TMEM192: variants seen among roughly 807,000 people sequenced by gnomAD.
TMEM192 encodes the protein transmembrane protein 192.
In TMEM192, 20 loss-of-function variants were observed where a neutral mutation model predicts 26.7. The ratio of observed to expected loss-of-function variants is 0.75; its 90% CI spans 0.53 to 1.09. TMEM192 has a LOEUF of 1.09. Ranked by LOEUF, TMEM192 falls within the 50% of genes least tolerant of loss-of-function variation. The pLI, the probability that TMEM192 is intolerant of heterozygous loss-of-function variation, is 0.00. For missense variants in TMEM192, 304 were observed against 322.6 expected, an observed-to-expected ratio of 0.94 and a Z score of 0.44; for synonymous variants, 124 against 121.0, an observed-to-expected ratio of 1.02 and a Z score of -0.16.
At chr4:165,084,900 G>A (rs1322842000) in intron 5 of TMEM192, among the ~76,000 whole-genome samples, 1 of 152,154 alleles carries the variant, frequency 6.6e-6, no homozygotes, top group Non-Finnish European at 1.5e-5. Context: ...CTGGCTGTTT[G>A]GGAGGCTGAA....
At chr4:165,084,171 G>C (rs1404346899) in intron 5 of TMEM192, among the ~76,000 whole-genome samples, 2 of 151,422 alleles carry the variant, frequency 1.3e-5, no homozygotes, top group Non-Finnish European at 2.9e-5. Context: ...ATGGCACTGA[G>C]TCCATTTCTT....
chr4:165,084,120 C>T (rs913953012), intron 5 of TMEM192, among the ~76,000 whole-genome samples: 22 of 152,114 alleles, frequency 1.4e-4, no homozygotes, highest in African/African-American at 5.1e-4. Context: ...CGCGCCCAGT[C>T]ATGTTTTTTT....
Position 165,077,468 on chromosome 4 carries a change from CG to C in TMEM192, c.*2189del. 1 of 152,270 alleles carries C rather than the reference CG, an allele frequency of 6.6e-6. No homozygotes were observed. The highest frequency in any genetic ancestry group is 6.5e-5 in the Admixed American group (1 of 15,278). 9.4% of individuals were successfully genotyped at this position (152,270 alleles called of 1,614,324 possible). On this transcript the variant is annotated 3_prime_UTR_variant, in exon 6 of 6. Coordinates refer to ENST00000306480, the MANE Select transcript of TMEM192 (RefSeq NM_001100389.2). ...ACACTTATTAAAAAGAAAGGAAGGC[CG>C]GGCACAGTGGCTCATGCCTGTAATC... is the stretch of plus-strand genomic sequence containing the variant.
chr4:165,100,456 C>T (rs1439867964), intron 3 of TMEM192, among the ~76,000 whole-genome samples, 172 bp downstream of exon 3: 1 of 152,158 alleles, frequency 6.6e-6, no homozygotes, highest in African/African-American at 2.4e-5. Context: ...CCGCACCCGG[C>T]CAAGAAAAGC....
chr4:165,095,802 TCTCA>T (rs564734465), intron 3 of TMEM192, among the ~76,000 whole-genome samples: 257 of 151,912 alleles, frequency 1.7e-3, no homozygotes, highest in African/African-American at 5.8e-3. Context: ...AAAAATGGAG[TCTCA>T]CTCTGTCACT....
intron 3 of TMEM192, among the ~76,000 whole-genome samples, chr4:165,093,190 G>C (rs969631064): frequency 1.4e-5 from 2 of 145,450 alleles, no homozygotes; most frequent in African/African-American, 5.1e-5. Context: ...TCTGCCTCCA[G>C]GGTTCAAGTG....
rs1417616925 is a variant in TMEM192, at chr4:165,078,546, T to C, written c.*1112A>G. 6.6e-6 allele frequency: 1 copy of C among 152,212 alleles called. No individual in the cohort carries two copies. The highest frequency in any genetic ancestry group is 2.4e-5 in the African/African-American group (1 of 41,466). The allele number at this position is 152,212 out of a possible 1,614,324, so 9.4% of individuals were successfully genotyped here. On this transcript the variant is annotated 3_prime_UTR_variant, in exon 6 of 6. Transcript: ENST00000306480. ...ATCTTTTTTTTACAGTAATTTAAAA[T>C]TATAGAAGATGCCTTTCCTATAATT...
At position 165,070,611 on chromosome 4, in the gene TMEM192, C is replaced by T. The variant is rs1734257482; in HGVS notation, c.*9047G>A. Reference sequence around the variant, plus strand: ...AAATAGCAGTGATTATAAAAACTAGCAGTCTTATCTCTTTTATTTCTGATA... The same window carrying T: ...AAATAGCAGTGATTATAAAAACTAGTAGTCTTATCTCTTTTATTTCTGATA... On this transcript the variant is annotated 3_prime_UTR_variant, in exon 6 of 6. Coordinates refer to ENST00000306480, the MANE Select transcript of TMEM192 (RefSeq NM_001100389.2). 6.6e-6 allele frequency: 1 copy of T among 152,146 alleles called. No individual in the cohort carries two copies. The highest frequency in any genetic ancestry group is 1.5e-5 in the Non-Finnish European group (1 of 68,022). The allele number at this position is 152,146 out of a possible 1,614,324, so 9.4% of individuals were successfully genotyped here.
intron 1 of TMEM192, among the ~76,000 whole-genome samples, chr4:165,103,868 G>T (rs1735104688): frequency 6.6e-6 from 1 of 151,726 alleles, no homozygotes; most frequent in African/African-American, 2.4e-5. Flanking sequence ...GGGTTTCACT[G>T]TGTTGGCCAT....
intron 3 of TMEM192, among the ~76,000 whole-genome samples, chr4:165,089,944 G>A (rs1053078414): frequency 1.3e-5 from 2 of 152,044 alleles, no homozygotes; most frequent in African/African-American, 4.8e-5. Flanking sequence ...AGGCGCGGTG[G>A]CTCACGCCTG....
Position 165,073,751 on chromosome 4 carries a change from T to A in TMEM192, c.*5907A>T, listed in dbSNP as rs1261087590. 3 of 152,146 alleles carry A rather than the reference T, an allele frequency of 2.0e-5. No homozygotes were observed. Among genetic ancestry groups the A allele is most frequent in the African/African-American group, 7.2e-5 (3 of 41,428 alleles). The allele number at this position is 152,146 out of a possible 1,614,324, so 9.4% of individuals were successfully genotyped here. On this transcript the variant is annotated 3_prime_UTR_variant, in exon 6 of 6. Coordinates refer to ENST00000306480, the MANE Select transcript of TMEM192 (RefSeq NM_001100389.2). ...ATATGCTGGCAGCAATACTGCTCTG[T>A]TACTCTTTGCTACACTGAAATGTTT...
chr4:165,105,570 C>A (rs373229982), intron 1 of TMEM192, among the ~76,000 whole-genome samples: 1 of 152,252 alleles, frequency 6.6e-6, no homozygotes, highest in African/African-American at 2.4e-5. Flanking sequence ...ACATGCAAGT[C>A]CTCATGACAC....
chr4:165,078,623 C>A lies in TMEM192; in HGVS notation c.*1035G>T, dbSNP rs1428063338. ...ACCAGACTGAAATATACAGCAACTT[C>A]TTGAAGAATGGCAAAAATAAAGTGA... On this transcript the variant is annotated 3_prime_UTR_variant, in exon 6 of 6. Transcript: ENST00000306480. 1 of 152,114 alleles carries A rather than the reference C, an allele frequency of 6.6e-6. No individual in the cohort carries two copies. Among genetic ancestry groups the A allele is most frequent in the East Asian group, 1.9e-4 (1 of 5,188 alleles). The allele number at this position is 152,114 out of a possible 1,614,324, so 9.4% of individuals were successfully genotyped here.
At chr4:165,103,230 C>T in intron 1 of TMEM192, 134 bp from the exon 2 acceptor site, 1 of 567,448 alleles carries the variant, frequency 1.8e-6, no homozygotes, top group Non-Finnish European at 2.6e-6. Flanking sequence ...TACCTGAATC[C>T]AATTTTTTAA....
intron 4 of TMEM192, 145 bp from the exon 5 acceptor site, chr4:165,085,833 A>G: frequency 1.7e-6 from 1 of 594,982 alleles, no homozygotes; most frequent in South Asian, 2.1e-5. Flanking sequence ...AAGCCCTGGG[A>G]ATATAGGGAT....
At chr4:165,084,502 A>G (rs1560926130) in intron 5 of TMEM192, among the ~76,000 whole-genome samples, 1 of 151,290 alleles carries the variant, frequency 6.6e-6, no homozygotes, top group Admixed American at 6.6e-5. Flanking sequence ...CCTGGCCCAC[A>G]CTTTCTTTAT....
intron 1 of TMEM192, among the ~76,000 whole-genome samples, chr4:165,111,932 T>A (rs1365440115): frequency 6.6e-6 from 1 of 152,234 alleles, no homozygotes; most frequent in African/African-American, 2.4e-5. Context: ...ATTTTATTAC[T>A]TGCCAGTGGA....
chr4:165,099,084 C>CG (rs1734979576), intron 3 of TMEM192, among the ~76,000 whole-genome samples: 2 of 149,428 alleles, frequency 1.3e-5, no homozygotes, highest in Non-Finnish European at 3.0e-5. Flanking sequence ...AAGTTATTTA[C>CG]TACAACTTTT....
At chr4:165,092,484 T>C (rs7659883) in intron 3 of TMEM192, among the ~76,000 whole-genome samples, 38,853 of 152,098 alleles carry the variant, frequency 0.26, 5,583 homozygotes, top group Admixed American at 0.39. Context: ...GCCTGGCCTG[T>C]AAATATTCAA....
Sources: allele counts gnomAD v4.1 joint callset (sites outside exome capture counted in the v4.1 genomes callset), GRCh38; gene constraint gnomAD v4.1.1; transcripts MANE v1.5; gene names NCBI Gene and HGNC (gene_info 2026-07-23, HGNC 2026-07-21).